The following PHF21A variants were observed in gnomAD, a reference collection of about 807,000 sequenced individuals.
PHF21A encodes the protein BHC80a.
PHF21A carries 11 observed loss-of-function variants against 82.5 expected under a neutral mutation model. The ratio of observed to expected loss-of-function variants is 0.13; its 90% CI spans 0.08 to 0.22. The LOEUF (loss-of-function observed/expected upper bound fraction) is 0.22, where lower values mean the gene tolerates loss of function less well. PHF21A is among the 10% of genes least tolerant of loss of function. PHF21A has a pLI of 1.00. For synonymous variants in PHF21A, 297 were observed against 302.8 expected (o/e 0.98, Z 0.20); for missense variants, 579 against 837.8 (o/e 0.69, Z 3.81).
intron 6 of PHF21A, among the ~76,000 whole-genome samples, chr11:46,006,490 A>G (rs1488615863): frequency 1.3e-5 from 2 of 152,244 alleles, no homozygotes; most frequent in Non-Finnish European, 2.9e-5. Context: ...AAATCACGCT[A>G]TATAAATAAC....
rs576355672 is a variant in PHF21A at position 45,932,190 on chromosome 11, C to G, written c.*1778G>C. 6.6e-6 allele frequency: 1 copy of G among 152,306 alleles called. No individual in the cohort carries two copies. Among genetic ancestry groups the G allele is most frequent in the South Asian group, 2.1e-4 (1 of 4,834 alleles). 9.4% of individuals were successfully genotyped at this position (152,306 alleles called of 1,614,324 possible). On this transcript the variant is annotated 3_prime_UTR_variant, in exon 19 of 19. Transcript: ENST00000676320. This position sits in a 1 kb window ranked among gnomAD's most constrained non-coding sequence, Gnocchi z 4.3. ...CCTCCTGTCACGGCCAGGGTGCGTG[C>G]GCACCACAGAGCTCCGCTGGCCAGT...
intron 11 of PHF21A, among the ~76,000 whole-genome samples, chr11:45,951,510 C>T (rs2092108721): frequency 6.6e-6 from 1 of 152,222 alleles, no homozygotes; most frequent in African/African-American, 2.4e-5. Flanking sequence ...TAAGAAAAAG[C>T]AGTCTTGGAC....
chr11:45,991,957 T>C (rs931044357), intron 6 of PHF21A, among the ~76,000 whole-genome samples: 3 of 151,994 alleles, frequency 2.0e-5, no homozygotes, highest in African/African-American at 7.3e-5. Flanking sequence ...GATTACATTT[T>C]GCAAGACATG....
chr11:46,085,117 A>G (rs149457924), intron 3 of PHF21A, among the ~76,000 whole-genome samples: 174 of 152,298 alleles, frequency 1.1e-3, no homozygotes, highest in African/African-American at 4.1e-3. Context: ...AAATGGGGAA[A>G]TTCTGGTATA....
intron 6 of PHF21A, among the ~76,000 whole-genome samples, chr11:46,070,174 G>A (rs371232600): frequency 6.6e-6 from 1 of 151,914 alleles, no homozygotes; most frequent in East Asian, 1.9e-4. Context: ...GTTATAGGAG[G>A]GACAGAAACT....
intron 4 of PHF21A, among the ~76,000 whole-genome samples, chr11:46,083,377 T>C (rs1419221092): frequency 2.0e-5 from 3 of 152,128 alleles, no homozygotes; most frequent in Non-Finnish European, 2.9e-5. Flanking sequence ...CAAGATATTC[T>C]CCCAACGATT....
Position 45,945,830 on chromosome 11 carries a change from AG to A in PHF21A, c.1452+9del. 6.4e-7 allele frequency: 1 copy of A among 1,558,728 alleles called. No individual in the cohort carries two copies. The highest frequency in any genetic ancestry group is 8.7e-7 in the Non-Finnish European group (1 of 1,155,470). On this transcript the variant is annotated intron_variant, in intron 15 of 18. Coordinates refer to ENST00000676320, the MANE Select transcript of PHF21A (RefSeq NM_001352027.3). ...TCAGAAAGACAGTGTGCTTTTCCCA[AG>A]TTACTTACGTCTGTGGAGGTGGGGC...
intron 1 of PHF21A, among the ~76,000 whole-genome samples, chr11:46,101,763 A>G (rs558418813): frequency 1.3e-5 from 2 of 152,026 alleles, no homozygotes; most frequent in East Asian, 3.9e-4. Context: ...AGCCTCCCTA[A>G]TAGCTGGGAC....
intron 9 of PHF21A, among the ~76,000 whole-genome samples, chr11:45,969,425 C>A (rs887744955): frequency 4.9e-4 from 75 of 152,198 alleles, no homozygotes; most frequent in African/African-American, 1.8e-3. Flanking sequence ...AGAATAGTTT[C>A]TACTAGTTGG....
At chr11:46,119,306 A>G (rs1347307525) in intron 1 of PHF21A, among the ~76,000 whole-genome samples, 3 of 152,286 alleles carry the variant, frequency 2.0e-5, no homozygotes, top group Admixed American at 2.0e-4. Flanking sequence ...ACACAGCCAC[A>G]AAGTTCACTG....
At chr11:46,001,728 C>A (rs1485108281) in intron 6 of PHF21A, among the ~76,000 whole-genome samples, 2 of 152,098 alleles carry the variant, frequency 1.3e-5, no homozygotes, top group African/African-American at 4.8e-5. Context: ...GAGAATAAAA[C>A]CAATAAGAAA....
intron 4 of PHF21A, among the ~76,000 whole-genome samples, chr11:46,082,856 G>A (rs1255074984): frequency 6.6e-6 from 1 of 152,144 alleles, no homozygotes; most frequent in African/African-American, 2.4e-5. Flanking sequence ...ATCTTGTGAA[G>A]AGGAACTAAA....
At chr11:46,031,558 G>A (rs560481781) in intron 6 of PHF21A, among the ~76,000 whole-genome samples, 2 of 152,224 alleles carry the variant, frequency 1.3e-5, no homozygotes, top group Admixed American at 1.3e-4. Flanking sequence ...CATGCAGCCG[G>A]TACGAATTCA....
chr11:46,040,890 GACACACACACACACACACACACACAC>G (rs35673374), intron 6 of PHF21A, among the ~76,000 whole-genome samples: 1 of 137,222 alleles, frequency 7.3e-6, no homozygotes, highest in Non-Finnish European at 1.6e-5. Flanking sequence ...CTGACAGGAA[GACACACACACACACACACACACACAC>G]ACACACACAC....
At chr11:45,968,737 C>T (rs1359953645) in intron 9 of PHF21A, among the ~76,000 whole-genome samples, 1 of 151,894 alleles carries the variant, frequency 6.6e-6, no homozygotes, top group African/African-American at 2.4e-5. Flanking sequence ...TGAGACATTC[C>T]TGACCAACAT....
At chr11:46,101,055 T>C (rs1177958764) in intron 1 of PHF21A, among the ~76,000 whole-genome samples, 1 of 152,222 alleles carries the variant, frequency 6.6e-6, no homozygotes, top group Non-Finnish European at 1.5e-5. Flanking sequence ...GACTTATATA[T>C]TGTCCTGCTT....
chr11:45,929,568 C>G lies in PHF21A; in HGVS notation c.*4400G>C, dbSNP rs565238062. 39 of 152,892 alleles carry G rather than the reference C, an allele frequency of 2.6e-4. No homozygotes were observed. The highest frequency in any genetic ancestry group is 2.5e-3 in the East Asian group (13 of 5,186). The allele number at this position is 152,892 out of a possible 1,614,324, so 9.5% of individuals were successfully genotyped here. A position where few individuals can be genotyped will look rare whatever the true frequency, so the allele number is the denominator to read the frequency against. On this transcript the variant is annotated 3_prime_UTR_variant, in exon 19 of 19. Coordinates refer to ENST00000676320, the MANE Select transcript of PHF21A (RefSeq NM_001352027.3). ...CTGGCTGACCTCTGGCCTGCCCGTC[C>G]CATCCCGCCTGACTGCAGCTCACCC...
intron 15 of PHF21A, among the ~76,000 whole-genome samples, chr11:45,940,857 A>G (rs1225303710): frequency 2.0e-5 from 3 of 152,236 alleles, no homozygotes; most frequent in Non-Finnish European, 4.4e-5. Flanking sequence ...CGGACTTGGG[A>G]TAAACGAAGA....
chr11:45,956,331 C>A (rs1213078266), intron 10 of PHF21A, among the ~76,000 whole-genome samples: 1 of 151,958 alleles, frequency 6.6e-6, no homozygotes, highest in Non-Finnish European at 1.5e-5. Flanking sequence ...CTTAAATGCA[C>A]AAAGTAATTA....
Sources: gnomAD v4.1 joint callset for allele counts (sites outside exome capture counted in the v4.1 genomes callset) on GRCh38, gnomAD v4.1.1 for gene constraint, Gnocchi (gnomAD v3.1) non-coding constraint, MANE v1.5 for transcripts, NCBI Gene and HGNC (gene_info 2026-07-23, HGNC 2026-07-21) for gene names.